The following E2F3 variants were observed in gnomAD, a reference collection of about 807,000 sequenced individuals.
The protein encoded by E2F3 is transcription factor E2F3.
Under a neutral mutation model 44.4 loss-of-function variants are expected in E2F3, and 11 were observed. The ratio of observed to expected loss-of-function variants is 0.25; its 90% CI spans 0.16 to 0.41. The LOEUF (loss-of-function observed/expected upper bound fraction) is 0.41. Among genes scored for constraint, E2F3 ranks in the 10% least tolerant of loss-of-function variants. The pLI is 1.00. For synonymous variants in E2F3, 249 were observed against 253.0 expected, an observed-to-expected ratio of 0.98 and a Z score of 0.15; for missense variants, 487 against 583.6, an observed-to-expected ratio of 0.83 and a Z score of 1.70.
chr6:20,445,660 G>A (rs1760921194), intron 1 of E2F3, among the ~76,000 whole-genome samples: 1 of 152,172 alleles, frequency 6.6e-6, no homozygotes, highest in Non-Finnish European at 1.5e-5. Context: ...AGCCAGTACA[G>A]TAAGTCTTCA....
intron 1 of E2F3, among the ~76,000 whole-genome samples, chr6:20,420,244 A>C (rs1346341556): frequency 6.6e-6 from 1 of 152,224 alleles, no homozygotes; most frequent in Admixed American, 6.5e-5. Flanking sequence ...CATCTCTATA[A>C]AGTGGGTGTG....
At chr6:20,488,655 T>TC (rs1762467847) in intron 6 of E2F3, among the ~76,000 whole-genome samples, 1 of 152,074 alleles carries the variant, frequency 6.6e-6, no homozygotes, top group South Asian at 2.1e-4. Context: ...TTTGTCTTAT[T>TC]TTCCCCCCCA....
intron 1 of E2F3, among the ~76,000 whole-genome samples, chr6:20,462,687 A>G (rs1761552174): frequency 6.6e-6 from 1 of 151,630 alleles, no homozygotes; most frequent in Non-Finnish European, 1.5e-5. Context: ...TGAACTCCTG[A>G]CCTCAGGTAA....
chr6:20,453,843 A>G (rs1761222760), intron 1 of E2F3, among the ~76,000 whole-genome samples: 3 of 152,210 alleles, frequency 2.0e-5, no homozygotes, highest in African/African-American at 7.2e-5. Flanking sequence ...TTCCCTTGTA[A>G]AACAAGAAAC....
chr6:20,423,352 C>G (rs960849120), intron 1 of E2F3, among the ~76,000 whole-genome samples: 6 of 151,906 alleles, frequency 3.9e-5, no homozygotes, highest in African/African-American at 1.4e-4. Context: ...TGGTATGTAT[C>G]CAAACATAGC....
chr6:20,440,016 G>T (rs1217085347), intron 1 of E2F3: 2 of 152,190 alleles, frequency 1.3e-5, no homozygotes. Context: ...CCCAGCCAGG[G>T]TGCCCTGCCA....
rs966769805 is a variant in E2F3, at chr6:20,485,169, A to G, written c.885-1520A>G. On this transcript the variant is annotated intron_variant, in intron 4 of 6. Coordinates refer to ENST00000346618, the MANE Select transcript of E2F3 (RefSeq NM_001949.5). ...TACATATAAAAAATAATAACGGGCTAAAGACATTGTACATTAATTGAATAC... is the reference window on the plus strand; with the variant it reads ...TACATATAAAAAATAATAACGGGCTGAAGACATTGTACATTAATTGAATAC... Among the ~76,000 whole-genome samples, 5 of 152,208 alleles carry G rather than the reference A, an allele frequency of 3.3e-5. No individual in the cohort carries two copies. In the East Asian group the frequency reaches 5.8e-4, roughly 18 times the overall value.
At chr6:20,418,189 G>A (rs936300800) in intron 1 of E2F3, among the ~76,000 whole-genome samples, 6 of 152,312 alleles carry the variant, frequency 3.9e-5, no homozygotes, top group East Asian at 1.9e-4. Context: ...GGGGACCGAC[G>A]TGTGGGCCTC....
chr6:20,476,144 G>A (rs1462573914), intron 1 of E2F3, among the ~76,000 whole-genome samples: 1 of 152,100 alleles, frequency 6.6e-6, no homozygotes, highest in African/African-American at 2.4e-5. Flanking sequence ...GGCCGAGGAA[G>A]GCGGATCACG....
In E2F3 at chr6:20,490,864, A is replaced by C. The variant is rs1008556509; in HGVS notation, c.*434A>C. 1 of 229,884 alleles carries C rather than the reference A, an allele frequency of 4.4e-6. No individual in the cohort carries two copies. Among genetic ancestry groups the C allele is most frequent in the Non-Finnish European group, 8.6e-6 (1 of 115,828 alleles). 14.2% of individuals were successfully genotyped at this position (229,884 alleles called of 1,614,324 possible). A position where few individuals can be genotyped will look rare whatever the true frequency, so the allele number is the denominator to read the frequency against. On this transcript the variant is annotated 3_prime_UTR_variant, in exon 7 of 7. Transcript: ENST00000346618. The surrounding 1 kb of genome is among the most constrained non-coding windows in gnomAD (Gnocchi z 4.3). ...TTTCAAGCCGTGCCTTCTCCGCAGA[A>C]TGCATGTCTTTGAGGTCTGCTAATA...
chr6:20,421,467 T>C (rs1057095977), intron 1 of E2F3: 1 of 152,234 alleles, frequency 6.6e-6, no homozygotes, highest in Non-Finnish European at 1.5e-5. Flanking sequence ...TTACCAGCCA[T>C]GAAAACATTA....
rs905627371 is a variant in E2F3, at chr6:20,414,474, T to TA, written c.393+11861dup. 1.2e-3 allele frequency among the ~76,000 whole-genome samples: 174 copies of TA among 146,666 alleles called. 1 individual carries two copies. The highest frequency in any genetic ancestry group is 1.5e-3 in the African/African-American group (62 of 40,218). ...TCCTACACTCTCTGATTTTTCTCATTAAAAAAAAAAAATCTTGAATTTATT... is the reference window on the plus strand; with the variant it reads ...TCCTACACTCTCTGATTTTTCTCATTAAAAAAAAAAAAATCTTGAATTTATT... On this transcript the variant is annotated intron_variant, in intron 1 of 6. Transcript: ENST00000346618.
intron 1 of E2F3, among the ~76,000 whole-genome samples, chr6:20,444,163 T>G (rs1455854864): frequency 6.6e-6 from 1 of 152,186 alleles, no homozygotes; most frequent in Non-Finnish European, 1.5e-5. Flanking sequence ...CACTCTAGCC[T>G]GGGCAGCAGA....
intron 1 of E2F3, among the ~76,000 whole-genome samples, chr6:20,458,359 G>A (rs1165695467): frequency 3.3e-5 from 5 of 152,058 alleles, no homozygotes; most frequent in African/African-American, 1.2e-4. Flanking sequence ...TCCCCATACC[G>A]AGGGGTCTTT....
chr6:20,429,059 G>A (rs1760310409), intron 1 of E2F3, among the ~76,000 whole-genome samples: 1 of 152,186 alleles, frequency 6.6e-6, no homozygotes, highest in Non-Finnish European at 1.5e-5. Context: ...TTGGCATCTA[G>A]TGCGTAGAGG....
intron 1 of E2F3, among the ~76,000 whole-genome samples, chr6:20,422,331 G>A (rs1447326851): frequency 6.6e-6 from 1 of 152,204 alleles, no homozygotes; most frequent in African/African-American, 2.4e-5. Flanking sequence ...TCTGGATTAG[G>A]CTTTGGCTTA....
At chr6:20,445,108 G>C (rs1760897842) in intron 1 of E2F3, 2 of 985,298 alleles carry the variant, frequency 2.0e-6, no homozygotes, top group African/African-American at 3.5e-5. Flanking sequence ...TCGAGAGCGG[G>C]TCATGGTGAG....
intron 1 of E2F3, among the ~76,000 whole-genome samples, chr6:20,415,023 C>G (rs1030556950): frequency 6.6e-6 from 1 of 152,164 alleles, no homozygotes; most frequent in Non-Finnish European, 1.5e-5. Context: ...TGCCTCCCCC[C>G]GCCACTCCCC....
intron 3 of E2F3, among the ~76,000 whole-genome samples, chr6:20,482,427 C>T (rs2127622384): frequency 6.7e-6 from 1 of 149,876 alleles, no homozygotes; most frequent in South Asian, 2.1e-4. Flanking sequence ...CTTCCCCCAC[C>T]ACCTGGGAGC....
Sources: allele counts gnomAD v4.1 joint callset (sites outside exome capture counted in the v4.1 genomes callset), GRCh38; gene constraint gnomAD v4.1.1; non-coding constraint Gnocchi (gnomAD v3.1); transcripts MANE v1.5; gene names NCBI Gene and HGNC (gene_info 2026-07-23, HGNC 2026-07-21).